Variants in TTLL3 observed in about 807,000 individuals in gnomAD.
TTLL3 encodes the protein tubulin tyrosine ligase like 3, also known as tubulin monoglycylase TTLL3.
A neutral mutation model predicts 75.2 loss-of-function variants in TTLL3; 63 were observed. That is an observed-to-expected ratio of 0.84 (90% CI 0.68 to 1.03). TTLL3 has a LOEUF of 1.03. Among genes scored for constraint, TTLL3 ranks in the 50% least tolerant of loss-of-function variants. The probability of loss-of-function intolerance (pLI) is 0.00; values close to 1 mark genes in which losing one functional copy is unlikely to be tolerated. For synonymous variants in TTLL3, 393 were observed against 418.5 expected (o/e 0.94, Z 0.74); for missense variants, 997 against 1,069.9 (o/e 0.93, Z 0.95).
chr3:9,812,956 T>G lies in TTLL3; in HGVS notation c.62T>G (p.Phe21Cys). ...CTCACATTGCAGCAGAAGAAGATCT[T>G]TACAATCCAAGGCTGCTACCCGGTG... The part of the protein sequence containing the change: ...VERAVKQKKI[F>C]TIQGCYPVIR... Residue 21 changes from phenylalanine to cysteine, a missense_variant, in exon 3 of 14, where the codon TTT becomes TGT. Transcript: ENST00000685419. The G allele has an allele frequency of 2.7e-6, 4 of 1,506,756 alleles. No homozygotes were observed. The highest frequency in any genetic ancestry group is 3.6e-6 in the Non-Finnish European group (4 of 1,125,818). The allele number at this position is 1,506,756 out of a possible 1,614,324, so 93.3% of individuals were successfully genotyped here.
chr3:9,820,384 G>A (rs571998058), intron 7 of TTLL3, 162 bp from the exon 8 acceptor site: 2 of 1,496,206 alleles, frequency 1.3e-6, no homozygotes, highest in South Asian at 2.8e-5. Context: ...TGAATTTAGA[G>A]CAAAGCCTCA....
rs754948853 is a variant in TTLL3, at chr3:9,810,760, C to T, written c.48+51C>T. 2.0e-6 allele frequency: 3 copies of T among 1,493,544 alleles called. No homozygotes were observed. Among genetic ancestry groups the T allele is most frequent in the South Asian group, 2.5e-5 (2 of 81,476 alleles). 92.5% of individuals were successfully genotyped at this position (1,493,544 alleles called of 1,614,324 possible). On this transcript the variant is annotated intron_variant, in intron 2 of 13. Transcript: ENST00000685419. This position sits in a 1 kb window ranked among gnomAD's most constrained non-coding sequence, Gnocchi z 4.4. ...GAAAGGGCCCTGGGAGCGGCTCAGC[C>T]TGTCTCCCTGCGCTGTTTTCTTATA...
At chr3:9,822,419 A>G (rs1438329884) in intron 8 of TTLL3, among the ~76,000 whole-genome samples, 1 of 152,002 alleles carries the variant, frequency 6.6e-6, no homozygotes, top group Non-Finnish European at 1.5e-5. Context: ...GGGCTATAAG[A>G]ACCTCTCTAA....
rs776393724 is a variant in TTLL3 at position 9,813,365 on chromosome 3, A to G, written c.315+20A>G. ...CTGATGGTGAGGGCCCTGGGGGCCA[A>G]GATGATACAGGGACTGCCTGCTTAG... On this transcript the variant is annotated intron_variant, in intron 4 of 13. Transcript: ENST00000685419. 6.2e-6 allele frequency: 10 copies of G among 1,613,270 alleles called. No individual in the cohort carries two copies. Among genetic ancestry groups the G allele is most frequent in the African/African-American group, 2.7e-5 (2 of 74,922 alleles).
At position 9,833,189 on chromosome 3, in the gene TTLL3, G is replaced by T. The variant is rs768773379; in HGVS notation, c.1769G>T (p.Arg590Leu). 5.6e-6 allele frequency: 9 copies of T among 1,614,112 alleles called. No homozygotes were observed. The South Asian group carries it at 8.8e-5, about 16-fold the overall frequency. Residue 590 changes from arginine to leucine, a missense_variant, in exon 12 of 14, where the codon CGG (arginine) becomes CTG (leucine). Arg to Leu is a moderately radical substitution (Grantham distance 102). Transcript: ENST00000685419. ...AAGAAGCCCATGGCGATGTGTCATC[G>T]GCGGATGGGGGTCCGCCCAGCAGTC... ...TIKKPMAMCH[R>L]RMGVRPAVPL...
At chr3:9,817,384 A>G (rs1459566763) in intron 5 of TTLL3, 129 of 959,092 alleles carry the variant, frequency 1.3e-4, no homozygotes, top group Non-Finnish European at 1.6e-4. Flanking sequence ...AGATCGCGCC[A>G]CTGCACTCCA....
intron 11 of TTLL3, among the ~76,000 whole-genome samples, chr3:9,831,345 T>C (rs1670067444): frequency 6.6e-6 from 1 of 152,212 alleles, no homozygotes; most frequent in African/African-American, 2.4e-5. Flanking sequence ...TGTTAGCTGA[T>C]TGTCTCAGGA....
rs1345601342 is a variant in TTLL3, at chr3:9,813,272, T to C, written c.242T>C (p.Phe81Ser). 1 of 1,614,240 alleles carries C rather than the reference T, an allele frequency of 6.2e-7. No homozygotes were observed. Among genetic ancestry groups the C allele is most frequent in the African/African-American group, 1.3e-5 (1 of 75,066 alleles). The change falls in exon 4 of 14, where the codon TTC (phenylalanine) becomes TCC (serine). Residue 81 changes from phenylalanine (F) to serine (S), a missense_variant. Coordinates refer to ENST00000685419, the MANE Select transcript of TTLL3 (RefSeq NM_001387446.1). ...EDEDEDEDEE[F>S]QPSQLFDFDD... ...GAGGATGAAGATGAGGACGAGGAGT[T>C]CCAGCCATCACAGCTGTTCGACTTC...
intron 8 of TTLL3, among the ~76,000 whole-genome samples, chr3:9,822,745 TATA>T (rs1394922171): frequency 1.6e-5 from 2 of 125,902 alleles, no homozygotes; most frequent in Admixed American, 1.7e-4. Context: ...TTATATATAT[TATA>T]ATATATATAA....
chr3:9,825,662 A>T, intron 8 of TTLL3, 138 bp from the exon 9 acceptor site: 1 of 1,497,764 alleles, frequency 6.7e-7, no homozygotes, highest in Non-Finnish European at 9.1e-7. Flanking sequence ...CTTGGGAGGG[A>T]CCTATGGATA....
chr3:9,820,906 G>C (rs1250466482), intron 8 of TTLL3, 165 bp downstream of exon 8: 2 of 1,245,292 alleles, frequency 1.6e-6, no homozygotes, highest in Non-Finnish European at 2.2e-6. Flanking sequence ...ATAGGGTCTG[G>C]GCCACTTTTC....
chr3:9,830,173 G>A (rs1473632400), intron 11 of TTLL3, among the ~76,000 whole-genome samples: 2 of 152,134 alleles, frequency 1.3e-5, no homozygotes, highest in South Asian at 2.1e-4. Context: ...TGCCTGGCAC[G>A]TAGTAAATGC....
chr3:9,812,892 C>T, intron 2 of TTLL3, 51 bp from the exon 3 acceptor site: 3 of 1,443,604 alleles, frequency 2.1e-6, no homozygotes, highest in Non-Finnish European at 2.7e-6. Flanking sequence ...TCCCCTATGT[C>T]TGGCACTTAT....
At chr3:9,812,821 C>T (rs1320129784) in intron 2 of TTLL3, 122 bp from the exon 3 acceptor site, 10 of 1,156,628 alleles carry the variant, frequency 8.6e-6, no homozygotes, top group Non-Finnish European at 1.1e-5. Flanking sequence ...GTTTATTTCT[C>T]CTAATGGAAT....
intron 2 of TTLL3, among the ~76,000 whole-genome samples, chr3:9,811,422 C>G (rs1229625242): frequency 6.6e-6 from 1 of 152,228 alleles, no homozygotes; most frequent in Non-Finnish European, 1.5e-5. Context: ...TCTTCACCCA[C>G]AGGTCTAATT....
upstream of TTLL3, chr3:9,810,221 A>G: frequency 6.7e-7 from 1 of 1,495,078 alleles, no homozygotes; most frequent in Non-Finnish European, 8.8e-7. This position sits in a 1 kb window ranked among gnomAD's most constrained non-coding sequence, Gnocchi z 4.4. Flanking sequence ...GCCTCCGCCC[A>G]GTCCGAGGAG....
chr3:9,824,732 CTTTTCTTTTTTTT>C (rs1477033235), intron 8 of TTLL3, among the ~76,000 whole-genome samples: 1 of 128,122 alleles, frequency 7.8e-6, no homozygotes. Flanking sequence ...CTTTTCTTTT[CTTTTCTTTTTTTT>C]TTTTTTTTTT....
rs777804808 is a variant in TTLL3, at chr3:9,829,015, C to T, written c.1303C>T (p.Arg435Trp). 10 of 1,614,118 alleles carry T rather than the reference C, an allele frequency of 6.2e-6. No individual in the cohort carries two copies. The highest frequency in any genetic ancestry group is 3.3e-5 in the South Asian group (3 of 91,094). ...GAAGCACCTGGAGAACTCATGCCAT[C>T]GGCATCCACTGCTTCCGCCAGACAA... ...IQKHLENSCH[R>W]HPLLPPDNMW... The change falls in exon 11 of 14, where the codon CGG becomes TGG. Residue 435 changes from arginine (R) to tryptophan (W), a missense_variant. Physicochemically the swap from Arg to Trp is moderately radical, Grantham distance 101. Transcript: ENST00000685419.
intron 8 of TTLL3, among the ~76,000 whole-genome samples, chr3:9,823,742 A>G (rs1201348814): frequency 6.6e-6 from 1 of 152,150 alleles, no homozygotes; most frequent in East Asian, 1.9e-4. Context: ...CTTAAAAAAG[A>G]GAAAGTTCTC....
Sources: allele counts gnomAD v4.1 joint callset (sites outside exome capture counted in the v4.1 genomes callset), GRCh38; gene constraint gnomAD v4.1.1; non-coding constraint Gnocchi (gnomAD v3.1); transcripts MANE v1.5; gene names NCBI Gene and HGNC (gene_info 2026-07-23, HGNC 2026-07-21).